SGCA: variants seen among roughly 807,000 people sequenced by gnomAD.
SGCA encodes the protein sarcoglycan alpha, also known as alpha-sarcoglycan.
A neutral mutation model predicts 38.1 loss-of-function variants in SGCA; 34 were observed. That is an observed-to-expected ratio of 0.89 (90% CI 0.68 to 1.19). The LOEUF (loss-of-function observed/expected upper bound fraction) is 1.19, where lower values mean the gene tolerates loss of function less well. Among genes scored for constraint, SGCA ranks in the 50% most tolerant of loss-of-function variants. The pLI, the probability that SGCA is intolerant of heterozygous loss-of-function variation, is 0.00. For synonymous variants in SGCA, 209 were observed against 214.6 expected (o/e 0.97, Z 0.23); for missense variants, 476 against 524.9 (o/e 0.91, Z 0.91).
rs74470554 is a variant in SGCA at position 50,173,059 on chromosome 17, C to T, written c.984-2198C>T. Among the ~76,000 whole-genome samples the T allele has an allele frequency of 5.0e-3, 760 of 152,290 alleles. 4 individuals are homozygous for T. The highest frequency in any genetic ancestry group is 0.017 in the African/African-American group (706 of 41,558). ...TATTTCCTCCACATCCAGCCTTCCC[C>T]GGGTCAACTCTGTAGCTCTGATGTT... On this transcript the variant is annotated intron_variant, in intron 8 of 9. Transcript: ENST00000262018.
chr17:50,174,428 C>T lies in SGCA; in HGVS notation c.984-829C>T, dbSNP rs748487239. Reference sequence around the variant, plus strand: ...TATTCATGTCTCCATATCTTGTGAGCGCTTATCACGTGGTGGGCACTGTTG... The same window carrying T: ...TATTCATGTCTCCATATCTTGTGAGTGCTTATCACGTGGTGGGCACTGTTG... On this transcript the variant is annotated intron_variant, in intron 8 of 9. Transcript: ENST00000262018. Among the ~76,000 whole-genome samples the T allele has an allele frequency of 1.4e-4, 21 of 152,066 alleles. 1 individual carries two copies. The highest frequency in any genetic ancestry group is 1.3e-4 in the Admixed American group (2 of 15,282).
At chr17:50,173,540 C>A (rs974781041) in intron 8 of SGCA, among the ~76,000 whole-genome samples, 6 of 152,214 alleles carry the variant, frequency 3.9e-5, no homozygotes, top group Non-Finnish European at 8.8e-5. Flanking sequence ...ACATCCCCAG[C>A]ACATTTTTCC....
rs767530246 is a variant in SGCA at position 50,169,087 on chromosome 17, C to T, written c.585-5C>T. 6 of 1,613,644 alleles carry T rather than the reference C, an allele frequency of 3.7e-6. No individual in the cohort carries two copies. Among genetic ancestry groups the T allele is most frequent in the African/African-American group, 1.3e-5 (1 of 75,012 alleles). The stretch of plus-strand genomic sequence containing the variant: ...CTGCTGACAGTGACTTCTATCTGGT[C>T]CCAGGGTATACATTAAGGTGGGTTC... On this transcript the variant is annotated splice_region_variant and splice_polypyrimidine_tract_variant and intron_variant, in intron 5 of 9. Transcript: ENST00000262018.
rs200945974 is a variant in SGCA at position 50,168,563 on chromosome 17, G to T, written c.575G>T (p.Arg192Leu). ...CGTGTCCCCCTTCCCATTGAGGGCCGAAAAGAAGGGTAGGTGTGCAACCCT... is the reference window on the plus strand; with the variant it reads ...CGTGTCCCCCTTCCCATTGAGGGCCTAAAAGAAGGGTAGGTGTGCAACCCT... The part of the protein sequence containing the change: ...GGRVPLPIEG[R>L]KEGVYIKVGS... Residue 192 changes from arginine to leucine, a missense_variant, in exon 5 of 10, where the codon CGA (arginine) becomes CTA (leucine). By Grantham distance (102) the Arg-to-Leu change is moderately radical (BLOSUM62 -2). Transcript: ENST00000262018. The T allele has an allele frequency of 1.9e-6, 3 of 1,565,260 alleles. No homozygotes were observed. In the East Asian group the frequency reaches 7.1e-5, roughly 37 times the overall value.
At chr17:50,166,763 ACACACACCCTCACACACCCT>A (rs199620528) in intron 1 of SGCA, among the ~76,000 whole-genome samples, 8 of 91,950 alleles carry the variant, frequency 8.7e-5, no homozygotes, top group African/African-American at 2.1e-4. Flanking sequence ...ACACCCTCAC[ACACACACCCTCACACACCCT>A]CACACACCCT....
intron 8 of SGCA, among the ~76,000 whole-genome samples, chr17:50,173,479 G>A (rs959151791): frequency 5.9e-5 from 9 of 152,204 alleles, no homozygotes; most frequent in Admixed American, 5.9e-4. Flanking sequence ...GATGTGGAAG[G>A]ACCGTGGGGA....
In SGCA at chr17:50,170,246, G is replaced by A. The variant is rs369359375; in HGVS notation, c.851G>A (p.Arg284His). Residue 284 changes from arginine (R) to histidine (H), a missense_variant, in exon 7 of 10, where the codon CGT becomes CAT. Coordinates refer to ENST00000262018, the MANE Select transcript of SGCA (RefSeq NM_000023.4). ...FFCPPTEAPD[R>H]DFLVDALVTL... ...TGCCCACCCACTGAGGCCCCAGACC[G>A]TGACTTCTTGGTGGATGCTCTGGTC... The A allele has an allele frequency of 2.0e-5, 32 of 1,614,070 alleles. No individual in the cohort carries two copies. Among genetic ancestry groups the A allele is most frequent in the South Asian group, 6.6e-5 (6 of 91,094 alleles).
In SGCA at chr17:50,168,405, G is replaced by A. The variant is rs375282807; in HGVS notation, c.417G>A (p.Leu139=). 14 of 1,589,204 alleles carry A rather than the reference G, an allele frequency of 8.8e-6. No homozygotes were observed. Among genetic ancestry groups the A allele is most frequent in the Non-Finnish European group, 1.2e-5 (14 of 1,167,856 alleles). Residue 139 remains leucine (L), a synonymous_variant, in exon 5 of 10, where the codon CTG becomes CTA. Coordinates refer to ENST00000262018, the MANE Select transcript of SGCA (RefSeq NM_000023.4). ...GPLLPYQAEF[L]VRSHDAEEVL... ...TGCTGCCATACCAAGCCGAGTTCCT[G>A]GTGCGCAGCCACGATGCGGAGGAGG...
chr17:50,173,245 T>A (rs1905610142), intron 8 of SGCA, among the ~76,000 whole-genome samples: 1 of 152,266 alleles, frequency 6.6e-6, no homozygotes, highest in South Asian at 2.1e-4. Flanking sequence ...CCACAAGTTA[T>A]GATTCTGCTG....
intron 8 of SGCA, among the ~76,000 whole-genome samples, chr17:50,173,499 G>T (rs552098815): frequency 6.6e-6 from 1 of 152,154 alleles, no homozygotes; most frequent in Non-Finnish European, 1.5e-5. Flanking sequence ...AAGCCACTGC[G>T]GGGTCTGGCC....
chr17:50,172,406 T>C (rs1905521990), intron 8 of SGCA: 1 of 420,772 alleles, frequency 2.4e-6, no homozygotes, highest in African/African-American at 2.0e-5. Flanking sequence ...AGGGCTGCGC[T>C]TGTGGGCCAG....
intron 1 of SGCA, among the ~76,000 whole-genome samples, chr17:50,166,753 A>C: frequency 9.3e-6 from 1 of 108,078 alleles, no homozygotes; most frequent in Non-Finnish European, 1.8e-5. Context: ...ACACCCTCAC[A>C]CACCCTCACA....
chr17:50,169,836 A>G lies in SGCA; in HGVS notation c.748-307A>G, dbSNP rs1905231013. 11 of 495,280 alleles carry G rather than the reference A, an allele frequency of 2.2e-5. No homozygotes were observed. In the Admixed American group the frequency reaches 2.6e-4, roughly 12 times the overall value. 30.7% of individuals were successfully genotyped at this position (495,280 alleles called of 1,614,324 possible). A position where few individuals can be genotyped will look rare whatever the true frequency, so the allele number is the denominator to read the frequency against. On this transcript the variant is annotated intron_variant, in intron 6 of 9. Transcript: ENST00000262018. Reference sequence around the variant, plus strand: ...TTGACAACATTCTTGAGCACTTGCTATGTGCTTGGCACTGTCCCATCAACA... The same window carrying G: ...TTGACAACATTCTTGAGCACTTGCTGTGTGCTTGGCACTGTCCCATCAACA...
At chr17:50,171,121 G>A (rs1198591552) in intron 8 of SGCA, among the ~76,000 whole-genome samples, 1 of 152,210 alleles carries the variant, frequency 6.6e-6, no homozygotes, top group African/African-American at 2.4e-5. Context: ...CACTCTGGGG[G>A]AAAGGGCTTG....
intron 7 of SGCA, 104 bp downstream of exon 7, chr17:50,170,455 G>A (rs1426908496): frequency 7.2e-7 from 1 of 1,382,372 alleles, no homozygotes; most frequent in Non-Finnish European, 1.0e-6. Flanking sequence ...ATGGGAATGG[G>A]GTTCTCAGGC....
chr17:50,166,773 TCACACACCCTCACACACCCTCACA>T (rs1433563747), intron 1 of SGCA, among the ~76,000 whole-genome samples: 124 of 35,474 alleles, frequency 3.5e-3, no homozygotes, highest in East Asian at 0.033. Flanking sequence ...ACACACACCC[TCACACACCCTCACACACCCTCACA>T]CACACACCCT....
In SGCA at chr17:50,166,927, T is replaced by TCA. The variant is rs111636387; in HGVS notation, c.38-429_38-428dup. Among the ~76,000 whole-genome samples, 86 of 41,932 alleles carry TCA rather than the reference T, an allele frequency of 2.1e-3. 4 individuals are homozygous for TCA. The highest frequency in any genetic ancestry group is 7.8e-3 in the African/African-American group (79 of 10,118). The allele number at this position is 41,932 out of a possible 152,430, so 27.5% of individuals were successfully genotyped here. A position where few individuals can be genotyped will look rare whatever the true frequency, so the allele number is the denominator to read the frequency against. The stretch of plus-strand genomic sequence containing the variant: ...AAACACACACCCCCCACACACACCT[T>TCA]CACACACACACACCCTCACACACAC... On this transcript the variant is annotated intron_variant, in intron 1 of 9. Transcript: ENST00000262018.
At chr17:50,166,185 G>A in intron 1 of SGCA, 108 bp downstream of exon 1, 2 of 947,300 alleles carry the variant, frequency 2.1e-6, no homozygotes, top group Non-Finnish European at 3.5e-6. Context: ...TGGGTTGGGT[G>A]AGGCAGGCGC....
intron 1 of SGCA, among the ~76,000 whole-genome samples, chr17:50,166,982 CCCTCACACACAT>C (rs1904934976): frequency 7.1e-6 from 1 of 141,586 alleles, no homozygotes; most frequent in Admixed American, 7.1e-5. Flanking sequence ...TGCACACACA[CCCTCACACACAT>C]CCTCACAGAC....
Sources: allele counts gnomAD v4.1 joint callset (sites outside exome capture counted in the v4.1 genomes callset), GRCh38; gene constraint gnomAD v4.1.1; transcripts MANE v1.5; gene names NCBI Gene and HGNC (gene_info 2026-07-23, HGNC 2026-07-21).